The following ZHX2 variants were observed in gnomAD, a reference collection of about 807,000 sequenced individuals.
ZHX2 encodes the protein zinc fingers and homeoboxes 2, also known as zinc fingers and homeoboxes protein 2.
Under a neutral mutation model 21.9 loss-of-function variants are expected in ZHX2, and 6 were observed. The ratio of observed to expected loss-of-function variants is 0.27; its 90% confidence interval spans 0.15 to 0.54. The LOEUF (loss-of-function observed/expected upper bound fraction) is 0.54, where lower values mean the gene tolerates loss of function less well. Among genes scored for constraint, ZHX2 ranks in the 20% least tolerant of loss-of-function variants. The pLI is 0.95. For missense variants in ZHX2, 908 were observed against 1,090.7 expected (o/e 0.83, Z 2.36); for synonymous variants, 434 against 437.1 (o/e 0.99, Z 0.09).
chr8:122,901,791 C>T (rs1445528696), intron 2 of ZHX2, among the ~76,000 whole-genome samples: 2 of 152,094 alleles, frequency 1.3e-5, no homozygotes, highest in African/African-American at 4.8e-5. Context: ...ACTCATATCC[C>T]AACCCCCATC....
At chr8:122,964,989 C>A (rs1813542203) in intron 3 of ZHX2, among the ~76,000 whole-genome samples, 2 of 148,334 alleles carry the variant, frequency 1.3e-5, no homozygotes, top group African/African-American at 4.9e-5. Flanking sequence ...TGTAATATCT[C>A]CTATTTTGTT....
chr8:122,795,656 T>C (rs1817600741), intron 1 of ZHX2, among the ~76,000 whole-genome samples: 1 of 152,244 alleles, frequency 6.6e-6, no homozygotes, highest in Non-Finnish European at 1.5e-5. Context: ...AAGCATGTTG[T>C]ATACTATACC....
At chr8:122,857,273 A>G (rs899553263) in intron 1 of ZHX2, among the ~76,000 whole-genome samples, 2 of 152,140 alleles carry the variant, frequency 1.3e-5, no homozygotes, top group Non-Finnish European at 2.9e-5. Flanking sequence ...CCCCTAGTCA[A>G]AGCCCCATAA....
chr8:122,783,048 A>AGGCGGAGGAGGAGGTGGAGGCGGC, intron 1 of ZHX2, among the ~76,000 whole-genome samples: 1 of 152,190 alleles, frequency 6.6e-6, no homozygotes. Flanking sequence ...TGAGCCTGGG[A>AGGCGGAGGAGGAGGTGGAGGCGGC]GGCGGAGGAG....
intron 2 of ZHX2, among the ~76,000 whole-genome samples, chr8:122,891,909 A>C (rs1819989381): frequency 1.3e-5 from 2 of 152,214 alleles, no homozygotes; most frequent in African/African-American, 4.8e-5. Context: ...TGTTGGATGA[A>C]ATGTTCCGTA....
At chr8:122,905,712 G>A (rs1820330934) in intron 2 of ZHX2, among the ~76,000 whole-genome samples, 1 of 152,234 alleles carries the variant, frequency 6.6e-6, no homozygotes, top group Non-Finnish European at 1.5e-5. Context: ...TCATGCCCAT[G>A]ACAGAAAAGT....
chr8:122,849,997 C>T (rs547070352), intron 1 of ZHX2, among the ~76,000 whole-genome samples: 9 of 152,188 alleles, frequency 5.9e-5, no homozygotes, highest in Non-Finnish European at 1.3e-4. Flanking sequence ...AGAGGCTTCC[C>T]AAACTTAACA....
In ZHX2 at chr8:122,870,894, C is replaced by T. The variant is rs139854105; in HGVS notation, c.-220+7355C>T. 7.2e-5 allele frequency among the ~76,000 whole-genome samples: 11 copies of T among 152,188 alleles called. No individual in the cohort carries two copies. In the East Asian group the frequency reaches 2.1e-3, roughly 29 times the overall value. The stretch of plus-strand genomic sequence containing the variant: ...AGATAGAAAGTGAGAAAGGACAGGT[C>T]CAGAGTGAGCCTCAGGTTCCTGGCT... On this transcript the variant is annotated intron_variant, in intron 2 of 3. Coordinates refer to ENST00000314393, the MANE Select transcript of ZHX2 (RefSeq NM_014943.5).
chr8:122,853,287 T>G (rs1330311637), intron 1 of ZHX2, among the ~76,000 whole-genome samples: 13 of 152,168 alleles, frequency 8.5e-5, no homozygotes, highest in Admixed American at 7.9e-4. Context: ...TCACATCGTA[T>G]TTCCTTCTGA....
chr8:122,904,136 A>C, intron 2 of ZHX2, among the ~76,000 whole-genome samples: 1 of 152,084 alleles, frequency 6.6e-6, no homozygotes, highest in East Asian at 1.9e-4. Flanking sequence ...AGAGGCCATC[A>C]ACCACAAATG....
At position 122,953,064 on chromosome 8, in the gene ZHX2, C is replaced by T. The variant is rs116461280; in HGVS notation, c.1554C>T (p.His518=). Residue 518 remains histidine, a synonymous_variant, in exon 3 of 4, where the codon CAC becomes CAT. Transcript: ENST00000314393. This position sits in a 1 kb window ranked among gnomAD's most constrained non-coding sequence, Gnocchi z 4.6. The stretch of plus-strand genomic sequence containing the variant: ...AGTTGGCCATCGCGGCCTCCCGACA[C>T]GGTCGCACGTATCATGCGTACCCAG... ...KDQLAIAASR[H]GRTYHAYPDF... 743 of 1,614,066 alleles carry T rather than the reference C, an allele frequency of 4.6e-4. 1 individual carries two copies. The East Asian group carries it at 5.6e-3, about 12-fold the overall frequency.
intron 2 of ZHX2, among the ~76,000 whole-genome samples, chr8:122,896,225 C>CTTT (rs67928380): frequency 3.4e-4 from 49 of 143,054 alleles, no homozygotes; most frequent in African/African-American, 1.2e-3. Context: ...TACTAGGACT[C>CTTT]TTTTTTTTTT....
intron 2 of ZHX2, among the ~76,000 whole-genome samples, chr8:122,943,497 G>C (rs1311028769): frequency 6.6e-6 from 1 of 152,178 alleles, no homozygotes; most frequent in Non-Finnish European, 1.5e-5. Context: ...TAAGGCTTTG[G>C]TGAATGTTGG....
At chr8:122,916,537 C>G (rs1178389296) in intron 2 of ZHX2, among the ~76,000 whole-genome samples, 1 of 152,116 alleles carries the variant, frequency 6.6e-6, no homozygotes, top group Non-Finnish European at 1.5e-5. Flanking sequence ...AGGCTCGAGA[C>G]TGAGAACGTA....
At chr8:122,850,458 C>T (rs780639815) in intron 1 of ZHX2, among the ~76,000 whole-genome samples, 1 of 151,894 alleles carries the variant, frequency 6.6e-6, no homozygotes, top group Non-Finnish European at 1.5e-5. Context: ...GCCAACATGG[C>T]GAAACCCTGT....
chr8:122,904,778 C>T (rs1366837557), intron 2 of ZHX2, among the ~76,000 whole-genome samples: 2 of 151,968 alleles, frequency 1.3e-5, no homozygotes, highest in Admixed American at 6.5e-5. Context: ...TCACTCATAC[C>T]AAGAACAAGG....
chr8:122,925,911 T>C (rs1820838107), intron 2 of ZHX2, among the ~76,000 whole-genome samples: 2 of 151,972 alleles, frequency 1.3e-5, no homozygotes, highest in African/African-American at 4.8e-5. Flanking sequence ...TGACTGCAAG[T>C]GGAGAAGAGG....
At chr8:122,874,375 CCAATCTCAGCTGGAGTGCA>C (rs1819515854) in intron 2 of ZHX2, among the ~76,000 whole-genome samples, 1 of 152,262 alleles carries the variant, frequency 6.6e-6, no homozygotes, top group South Asian at 2.1e-4. Flanking sequence ...GACTGGAGTG[CCAATCTCAGCTGGAGTGCA>C]CAATCTCAGC....
At chr8:122,963,972 T>C (rs1414485376) in intron 3 of ZHX2, among the ~76,000 whole-genome samples, 1 of 152,140 alleles carries the variant, frequency 6.6e-6, no homozygotes, top group East Asian at 1.9e-4. Context: ...TGGTGTATGG[T>C]AGTGCCACTG....
Sources: gnomAD v4.1 joint callset for allele counts (sites outside exome capture counted in the v4.1 genomes callset) on GRCh38, gnomAD v4.1.1 for gene constraint, Gnocchi (gnomAD v3.1) non-coding constraint, MANE v1.5 for transcripts, NCBI Gene and HGNC (gene_info 2026-07-23, HGNC 2026-07-21) for gene names.